Variants in RALYL observed in about 807,000 individuals in gnomAD.
RALYL encodes the protein RALY RNA binding protein like, also known as RNA-binding Raly-like protein.
Under a neutral mutation model 35.1 loss-of-function variants are expected in RALYL, and 29 were observed. That is an observed-to-expected ratio of 0.83 (90% CI 0.61 to 1.13). The LOEUF (loss-of-function observed/expected upper bound fraction) is 1.13. Ranked by LOEUF, RALYL falls within the 50% of genes most tolerant of loss-of-function variation. The pLI, the probability that RALYL is intolerant of heterozygous loss-of-function variation, is 0.00. For synonymous variants in RALYL, 120 were observed against 127.6 expected (o/e 0.94, Z 0.40); for missense variants, 359 against 360.4 (o/e 1.00, Z 0.03).
intron 1 of RALYL, among the ~76,000 whole-genome samples, chr8:84,305,178 A>T (rs1841547638): frequency 6.6e-6 from 1 of 152,186 alleles, no homozygotes; most frequent in Non-Finnish European, 1.5e-5. Flanking sequence ...CCAAGTATAT[A>T]ACCAATTTAT....
intron 1 of RALYL, among the ~76,000 whole-genome samples, chr8:84,501,824 T>C (rs911863799): frequency 2.0e-5 from 3 of 150,002 alleles, no homozygotes; most frequent in Non-Finnish European, 4.4e-5. Context: ...ATAAATAATA[T>C]ATTAATAAAT....
chr8:84,553,715 A>T (rs1431804293), intron 2 of RALYL, among the ~76,000 whole-genome samples: 1 of 152,216 alleles, frequency 6.6e-6, no homozygotes, highest in Admixed American at 6.5e-5. Flanking sequence ...TGCCTGGAAA[A>T]AAAAAAGGAG....
At chr8:84,388,893 T>C (rs1859906338) in intron 1 of RALYL, among the ~76,000 whole-genome samples, 1 of 152,148 alleles carries the variant, frequency 6.6e-6, no homozygotes, top group Admixed American at 6.6e-5. Flanking sequence ...TTGCTTTTGG[T>C]GTTTTAGACA....
intron 3 of RALYL, among the ~76,000 whole-genome samples, chr8:84,775,945 C>T (rs1202152139): frequency 1.3e-5 from 2 of 152,084 alleles, no homozygotes; most frequent in African/African-American, 4.8e-5. Flanking sequence ...CCAATTGTTC[C>T]AGGCTATTGA....
intron 2 of RALYL, among the ~76,000 whole-genome samples, chr8:84,744,080 A>G (rs1467399905): frequency 6.6e-6 from 1 of 152,040 alleles, no homozygotes; most frequent in Non-Finnish European, 1.5e-5. Flanking sequence ...TAAAATGGTT[A>G]AAGTAGCAAC....
chr8:84,586,343 T>G (rs768484978), intron 2 of RALYL, among the ~76,000 whole-genome samples: 3 of 152,218 alleles, frequency 2.0e-5, no homozygotes, highest in Non-Finnish European at 2.9e-5. Context: ...AATTTTCATG[T>G]AAGAAAATGA....
intron 1 of RALYL, among the ~76,000 whole-genome samples, chr8:84,478,456 T>C (rs2053661643): frequency 6.6e-6 from 1 of 152,182 alleles, no homozygotes; most frequent in Non-Finnish European, 1.5e-5. Context: ...ATGAAAACAC[T>C]ATAACATCCA....
rs150773686 is a variant in RALYL at position 84,498,392 on chromosome 8, A to T, written c.-23-30907A>T. Among the ~76,000 whole-genome samples, 217 of 152,248 alleles carry T rather than the reference A, an allele frequency of 1.4e-3. 2 individuals carry two copies. The highest frequency in any genetic ancestry group is 4.7e-3 in the African/African-American group (195 of 41,564). On this transcript the variant is annotated intron_variant, in intron 1 of 8. Coordinates refer to ENST00000521268, the MANE Select transcript of RALYL (RefSeq NM_173848.7). ...ATTCAATGCCATTTCCTATTATTAAATTGAATAATAACCATTATTCATAAT... is the reference window on the plus strand; with the variant it reads ...ATTCAATGCCATTTCCTATTATTAATTTGAATAATAACCATTATTCATAAT...
intron 1 of RALYL, among the ~76,000 whole-genome samples, chr8:84,408,957 G>A (rs1759445655): frequency 6.6e-6 from 1 of 151,886 alleles, no homozygotes; most frequent in South Asian, 2.1e-4. Context: ...ATTTTTAATA[G>A]TATCACCCTT....
intron 2 of RALYL, among the ~76,000 whole-genome samples, chr8:84,736,107 A>G (rs1847262115): frequency 6.6e-6 from 1 of 152,156 alleles, no homozygotes. Flanking sequence ...TTTTAAATTC[A>G]TAACGAACAA....
intron 1 of RALYL, among the ~76,000 whole-genome samples, chr8:84,296,633 T>G (rs1435914687): frequency 7.3e-6 from 1 of 136,078 alleles, no homozygotes; most frequent in African/African-American, 2.7e-5. Context: ...ATTTTTTTTT[T>G]TTTTTTTTTT....
At chr8:84,485,213 C>A (rs1587700615) in intron 1 of RALYL, among the ~76,000 whole-genome samples, 1 of 152,060 alleles carries the variant, frequency 6.6e-6, no homozygotes, top group East Asian at 1.9e-4. Context: ...TCCTAACAAC[C>A]AAACTCATAT....
At chr8:84,636,205 G>A (rs1360440757) in intron 2 of RALYL, among the ~76,000 whole-genome samples, 1 of 151,598 alleles carries the variant, frequency 6.6e-6, no homozygotes, top group Non-Finnish European at 1.5e-5. Context: ...CTTTTTAACA[G>A]CACTGTCTAG....
At chr8:84,337,656 A>G (rs1240070240) in intron 1 of RALYL, among the ~76,000 whole-genome samples, 1 of 152,122 alleles carries the variant, frequency 6.6e-6, no homozygotes, top group Non-Finnish European at 1.5e-5. Context: ...GCAGCTGGTA[A>G]TTGTGAATAT....
intron 2 of RALYL, among the ~76,000 whole-genome samples, chr8:84,766,824 G>T (rs1355779845): frequency 6.6e-6 from 1 of 150,822 alleles, no homozygotes; most frequent in Non-Finnish European, 1.5e-5. Flanking sequence ...ACTTACTGGA[G>T]CCCAAAGTTA....
At chr8:84,248,910 C>A (rs928186364) in intron 1 of RALYL, among the ~76,000 whole-genome samples, 1 of 151,900 alleles carries the variant, frequency 6.6e-6, no homozygotes, top group Non-Finnish European at 1.5e-5. Flanking sequence ...GCTTGAAATA[C>A]CTCAAACATA....
rs1186066330 is a variant in RALYL, at chr8:84,234,994, A to G, written c.-24+50570A>G. ...TGGCCAGGCTGGTCTGGAACTTCTG[A>G]CCTTGTGATCTGCCCGCCTCAGCCT... On this transcript the variant is annotated intron_variant, in intron 1 of 8. Coordinates refer to ENST00000521268, the MANE Select transcript of RALYL (RefSeq NM_173848.7). Among the ~76,000 whole-genome samples the G allele has an allele frequency of 3.3e-5, 5 of 151,854 alleles. No homozygotes were observed. The East Asian group carries it at 9.7e-4, about 30-fold the overall frequency.
At chr8:84,390,979 G>T (rs1292235451) in intron 1 of RALYL, among the ~76,000 whole-genome samples, 1 of 151,974 alleles carries the variant, frequency 6.6e-6, no homozygotes, top group African/African-American at 2.4e-5. Context: ...GTTTGTTTCA[G>T]AATCTTCTCA....
intron 1 of RALYL, among the ~76,000 whole-genome samples, chr8:84,264,860 ATGAAT>A (rs1272618920): frequency 1.3e-5 from 2 of 152,218 alleles, no homozygotes; most frequent in Non-Finnish European, 1.5e-5. Flanking sequence ...GGATTATTGA[ATGAAT>A]TGATTTACAT....
Sources: gnomAD v4.1 joint callset for allele counts (sites outside exome capture counted in the v4.1 genomes callset) on GRCh38, gnomAD v4.1.1 for gene constraint, MANE v1.5 for transcripts, NCBI Gene and HGNC (gene_info 2026-07-23, HGNC 2026-07-21) for gene names.